Variants in NALF1 observed in about 807,000 individuals in gnomAD.
NALF1 encodes NALCN channel auxiliary factor 1.
In NALF1, 3 loss-of-function variants were observed where a neutral mutation model predicts 48.4. The ratio of observed to expected loss-of-function variants is 0.06; its 90% CI spans 0.03 to 0.16. NALF1 has a LOEUF of 0.16. Ranked by LOEUF, NALF1 falls within the 10% of genes least tolerant of loss-of-function variation. NALF1 has a pLI of 1.00. For synonymous variants in NALF1, 262 were observed against 245.7 expected, an observed-to-expected ratio of 1.07 and a Z score of -0.62; for missense variants, 526 against 571.5, an observed-to-expected ratio of 0.92 and a Z score of 0.81.
At chr13:107,809,003 T>C (rs1477115600) in intron 1 of NALF1, among the ~76,000 whole-genome samples, 4 of 152,118 alleles carry the variant, frequency 2.6e-5, no homozygotes, top group Non-Finnish European at 2.9e-5. Flanking sequence ...TCATAAACTA[T>C]ACAAAATTTT....
intron 1 of NALF1, among the ~76,000 whole-genome samples, chr13:107,326,001 GTA>G (rs1205522802): frequency 6.8e-6 from 1 of 147,406 alleles, no homozygotes; most frequent in African/African-American, 2.5e-5. Flanking sequence ...ACATATATAT[GTA>G]TATGTGTGTG....
At chr13:107,286,165 T>C (rs9583162) in intron 1 of NALF1, among the ~76,000 whole-genome samples, 15,942 of 152,192 alleles carry the variant, frequency 0.1, 1,181 homozygotes, top group East Asian at 0.34. Context: ...TTGGTGGGAA[T>C]ATAAAATGGT....
chr13:107,320,239 A>G (rs1882228050), intron 1 of NALF1, among the ~76,000 whole-genome samples: 1 of 152,126 alleles, frequency 6.6e-6, no homozygotes, highest in Admixed American at 6.6e-5. Flanking sequence ...CTTTAAAATA[A>G]ATCTGAAAAC....
intron 1 of NALF1, among the ~76,000 whole-genome samples, chr13:107,773,432 A>G (rs1877635135): frequency 6.6e-6 from 1 of 152,126 alleles, no homozygotes; most frequent in South Asian, 2.1e-4. Flanking sequence ...TTATTATGGG[A>G]TAATCTTGTA....
intron 1 of NALF1, among the ~76,000 whole-genome samples, chr13:107,615,439 C>G (rs1879354765): frequency 6.6e-6 from 1 of 152,184 alleles, no homozygotes; most frequent in African/African-American, 2.4e-5. Flanking sequence ...GATTGTTTCA[C>G]AAACCCTGCA....
chr13:107,268,040 G>A (rs1486944841), intron 1 of NALF1, among the ~76,000 whole-genome samples: 2 of 140,234 alleles, frequency 1.4e-5, no homozygotes, highest in Non-Finnish European at 3.0e-5. Flanking sequence ...AGGCTGGAGA[G>A]TAGTGGCGCG....
chr13:107,866,104 C>T lies in NALF1; in HGVS notation c.493G>A (p.Val165Met), dbSNP rs544196360. 3 of 1,612,878 alleles carry T rather than the reference C, an allele frequency of 1.9e-6. No individual in the cohort carries two copies. Among genetic ancestry groups the T allele is most frequent in the African/African-American group, 1.3e-5 (1 of 75,032 alleles). The change falls in exon 1 of 3, where the codon GTG becomes ATG. Residue 165 changes from valine to methionine, a missense_variant. By Grantham distance (21) the Val-to-Met change is conservative (BLOSUM62 1). Coordinates refer to ENST00000375915, the MANE Select transcript of NALF1 (RefSeq NM_001080396.3). This position sits in a 1 kb window ranked among gnomAD's most constrained non-coding sequence, Gnocchi z 4.4. ...GGGTAACAAGTCTCCAGGCGCCACA[C>T]GGGCTTGGCAGAGTTTCCTAGAAAA... ...ALFLGNSAKPVWRLETCYPQG... is the reference protein window; with the variant it reads ...ALFLGNSAKPMWRLETCYPQG...
intron 1 of NALF1, among the ~76,000 whole-genome samples, chr13:107,761,238 T>C (rs992240168): frequency 3.9e-5 from 6 of 152,050 alleles, no homozygotes; most frequent in African/African-American, 1.2e-4. Flanking sequence ...GCGCCTGTAG[T>C]TCCAGCTACT....
Position 107,714,972 on chromosome 13 carries a change from G to GT in NALF1, c.915+150709dup, listed in dbSNP as rs912652773. On this transcript the variant is annotated intron_variant, in intron 1 of 2. Transcript: ENST00000375915. ...AACAAAATTGAAAGTGTTTAGAAGG[G>GT]TTTTTTTTTGCATTTTCTCTCATTT... 3.7e-4 allele frequency among the ~76,000 whole-genome samples: 55 copies of GT among 149,284 alleles called. 1 individual carries two copies. The highest frequency in any genetic ancestry group is 6.4e-4 in the South Asian group (3 of 4,676).
intron 1 of NALF1, among the ~76,000 whole-genome samples, chr13:107,811,965 T>C (rs79631289): frequency 0.035 from 5,380 of 152,280 alleles, 340 homozygotes; most frequent in African/African-American, 0.12. Context: ...TGCAGGGAAG[T>C]TTATCATAAC....
intron 1 of NALF1, among the ~76,000 whole-genome samples, chr13:107,752,379 T>C (rs1161387365): frequency 1.3e-5 from 2 of 152,144 alleles, no homozygotes; most frequent in African/African-American, 4.8e-5. Context: ...ATACACAAGG[T>C]ATACAAGAAA....
intron 1 of NALF1, among the ~76,000 whole-genome samples, chr13:107,620,889 C>T (rs1006184662): frequency 1.3e-5 from 2 of 152,158 alleles, no homozygotes; most frequent in African/African-American, 4.8e-5. Flanking sequence ...CTATCCGTGG[C>T]TCTTTCTAAC....
chr13:107,790,072 A>G (rs1261168953), intron 1 of NALF1, among the ~76,000 whole-genome samples: 1 of 152,160 alleles, frequency 6.6e-6, no homozygotes, highest in Non-Finnish European at 1.5e-5. Context: ...AAAACCATCA[A>G]GACTCATAGA....
chr13:107,535,787 G>A (rs982253774), intron 1 of NALF1, among the ~76,000 whole-genome samples: 3 of 152,072 alleles, frequency 2.0e-5, no homozygotes, highest in African/African-American at 4.8e-5. Flanking sequence ...TAAGCCAAAA[G>A]AACAAAGCTG....
At chr13:107,225,717 A>T (rs1446880783) in intron 1 of NALF1, among the ~76,000 whole-genome samples, 1 of 152,276 alleles carries the variant, frequency 6.6e-6, no homozygotes, top group East Asian at 1.9e-4. Context: ...AACAAAGTAA[A>T]CTTAGCAATC....
chr13:107,842,305 T>G (rs1004861171), intron 1 of NALF1, among the ~76,000 whole-genome samples: 1 of 151,940 alleles, frequency 6.6e-6, no homozygotes, highest in African/African-American at 2.4e-5. Flanking sequence ...CTGAGAGAAA[T>G]CAAATTATTT....
rs1233771700 is a variant in NALF1 at position 107,782,055 on chromosome 13, CCCACGGTCTCCCTCTCCCTCTCTTT to C, written c.915+83602_915+83626del. On this transcript the variant is annotated intron_variant, in intron 1 of 2. Coordinates refer to ENST00000375915, the MANE Select transcript of NALF1 (RefSeq NM_001080396.3). ...TCTCCCTCTCCCTCCTCTCCCTCTC[CCCACGGTCTCCCTCTCCCTCTCTTT>C]CCACGGTCTCCCTCTGATGCCGAGC... Among the ~76,000 whole-genome samples, 16 of 152,238 alleles carry C rather than the reference CCCACGGTCTCCCTCTCCCTCTCTTT, an allele frequency of 1.1e-4. 1 individual carries two copies. The South Asian group carries it at 2.3e-3, about 22-fold the overall frequency.
intron 1 of NALF1, among the ~76,000 whole-genome samples, chr13:107,752,962 A>G (rs1876980801): frequency 1.3e-5 from 2 of 152,178 alleles, no homozygotes; most frequent in Non-Finnish European, 2.9e-5. Context: ...TTCCAAGTAG[A>G]CTTGTGTTAC....
chr13:107,757,701 G>A (rs1187170627), intron 1 of NALF1, among the ~76,000 whole-genome samples: 3 of 152,010 alleles, frequency 2.0e-5, no homozygotes, highest in Non-Finnish European at 4.4e-5. Context: ...TTTTGTCACT[G>A]AAGCATAAAT....
Sources: allele counts gnomAD v4.1 joint callset (sites outside exome capture counted in the v4.1 genomes callset), GRCh38; gene constraint gnomAD v4.1.1; non-coding constraint Gnocchi (gnomAD v3.1); transcripts MANE v1.5; gene names NCBI Gene and HGNC (gene_info 2026-07-23, HGNC 2026-07-21).